RANBP17: variants seen among roughly 807,000 people sequenced by gnomAD.
The protein encoded by RANBP17 is RAN binding protein 17.
A neutral mutation model predicts 141.2 loss-of-function variants in RANBP17; 158 were observed. That is an observed-to-expected ratio of 1.12 (90% CI 0.98 to 1.28). The LOEUF (loss-of-function observed/expected upper bound fraction) is 1.28, where lower values mean the gene tolerates loss of function less well. Among genes scored for constraint, RANBP17 ranks in the 50% most tolerant of loss-of-function variants. The pLI is 0.00. For synonymous variants in RANBP17, 430 were observed against 450.0 expected (o/e 0.96, Z 0.56); for missense variants, 1,438 against 1,290.7 (o/e 1.11, Z -1.75).
At chr5:171,096,723 T>C (rs917807089) in intron 14 of RANBP17, among the ~76,000 whole-genome samples, 1 of 152,130 alleles carries the variant, frequency 6.6e-6, no homozygotes, top group Non-Finnish European at 1.5e-5. Flanking sequence ...GAAATAATAA[T>C]GTAACCAGGA....
At chr5:171,000,792 G>T (rs1307084427) in intron 14 of RANBP17, among the ~76,000 whole-genome samples, 1 of 152,082 alleles carries the variant, frequency 6.6e-6, no homozygotes, top group Non-Finnish European at 1.5e-5. Flanking sequence ...ATTCTCAAGG[G>T]TGGGGAGAAT....
chr5:171,061,966 A>C (rs1388751658), intron 14 of RANBP17, among the ~76,000 whole-genome samples: 1 of 151,740 alleles, frequency 6.6e-6, no homozygotes, highest in African/African-American at 2.4e-5. Flanking sequence ...GTTTTATCAG[A>C]GACTAGGATT....
chr5:171,168,860 C>CTCTT (rs1268375866), intron 14 of RANBP17, among the ~76,000 whole-genome samples: 1 of 152,050 alleles, frequency 6.6e-6, no homozygotes, highest in Non-Finnish European at 1.5e-5. Flanking sequence ...CTCTCTCTCT[C>CTCTT]TCTTTCTTCC....
At chr5:171,188,948 GAAAT>G (rs1332892988) in intron 18 of RANBP17, among the ~76,000 whole-genome samples, 1 of 152,018 alleles carries the variant, frequency 6.6e-6, no homozygotes, top group Non-Finnish European at 1.5e-5. Flanking sequence ...ATGAGAAACT[GAAAT>G]AAACACATAT....
chr5:171,026,322 G>T (rs547295296), intron 14 of RANBP17, among the ~76,000 whole-genome samples: 1 of 152,142 alleles, frequency 6.6e-6, no homozygotes, highest in African/African-American at 2.4e-5. Context: ...CTCAGAGAAG[G>T]TATTTCACTT....
intron 25 of RANBP17, among the ~76,000 whole-genome samples, chr5:171,279,709 AT>A (rs979951809): frequency 4.0e-5 from 6 of 150,492 alleles, no homozygotes; most frequent in East Asian, 2.0e-4. Context: ...GCCAACACGG[AT>A]TTTTTTTTTC....
intron 25 of RANBP17, among the ~76,000 whole-genome samples, chr5:171,269,196 C>A (rs1046332188): frequency 6.6e-6 from 1 of 152,142 alleles, no homozygotes; most frequent in Middle Eastern, 3.2e-3. Context: ...TATCTGACAT[C>A]ATCTCCTTAG....
chr5:171,296,362 T>C (rs1482160321), intron 27 of RANBP17, among the ~76,000 whole-genome samples: 2 of 152,150 alleles, frequency 1.3e-5, no homozygotes, highest in African/African-American at 4.8e-5. Flanking sequence ...TTCTTGGCAT[T>C]TGAACAAACA....
intron 6 of RANBP17, 84 bp downstream of exon 6, chr5:170,909,849 C>T (rs1771391634): frequency 1.3e-5 from 10 of 774,812 alleles, no homozygotes. Context: ...TGAATTTTCC[C>T]CCCAGTTTTG....
At chr5:171,279,425 T>C (rs1371741915) in intron 25 of RANBP17, among the ~76,000 whole-genome samples, 1 of 152,114 alleles carries the variant, frequency 6.6e-6, no homozygotes, top group Non-Finnish European at 1.5e-5. Context: ...TGTCATCTAA[T>C]GGAGGTGGGT....
rs547224043 is a variant in RANBP17, at chr5:171,299,298, A to T, written c.*440A>T. The stretch of plus-strand genomic sequence containing the variant: ...GAACCTGTTAAATGAGTAGTTTGTT[A>T]TGTGTCTGGAAGAAGCAGCGTTAGG... On this transcript the variant is annotated 3_prime_UTR_variant, in exon 28 of 28. Transcript: ENST00000523189. 1.8e-4 allele frequency: 42 copies of T among 237,266 alleles called. No individual in the cohort carries two copies. In the South Asian group the frequency reaches 6.5e-3, roughly 37 times the overall value. The allele number at this position is 237,266 out of a possible 1,614,324, so 14.7% of individuals were successfully genotyped here.
At chr5:171,025,876 C>T (rs1228666510) in intron 14 of RANBP17, among the ~76,000 whole-genome samples, 1 of 152,166 alleles carries the variant, frequency 6.6e-6, no homozygotes, top group African/African-American at 2.4e-5. Flanking sequence ...ACATGAGCCA[C>T]TGTGCCCAGC....
intron 5 of RANBP17, among the ~76,000 whole-genome samples, chr5:170,905,056 T>G (rs1485081971): frequency 1.3e-5 from 2 of 152,198 alleles, no homozygotes; most frequent in African/African-American, 4.8e-5. Flanking sequence ...ATCAAACCAA[T>G]TGATTTTATA....
intron 18 of RANBP17, among the ~76,000 whole-genome samples, chr5:171,190,989 G>T (rs1353754025): frequency 6.6e-6 from 1 of 152,168 alleles, no homozygotes; most frequent in Non-Finnish European, 1.5e-5. Flanking sequence ...CATTCCTCGG[G>T]TATTTAAACT....
At chr5:170,885,778 T>TA (rs1357356541) in intron 3 of RANBP17, among the ~76,000 whole-genome samples, 4 of 152,140 alleles carry the variant, frequency 2.6e-5, no homozygotes, top group African/African-American at 4.8e-5. Flanking sequence ...ATTTGATTTT[T>TA]AAAAAATGTT....
intron 24 of RANBP17, among the ~76,000 whole-genome samples, chr5:171,254,815 T>A (rs1166379431): frequency 2.6e-5 from 4 of 152,188 alleles, no homozygotes; most frequent in Non-Finnish European, 5.9e-5. Context: ...AGTAAATTTT[T>A]AAAAAAATCT....
chr5:171,010,517 C>T (rs1779962620), intron 14 of RANBP17, among the ~76,000 whole-genome samples: 1 of 151,856 alleles, frequency 6.6e-6, no homozygotes, highest in African/African-American at 2.4e-5. Context: ...AAGTGCCCAG[C>T]CAGAAATTAA....
chr5:171,072,845 G>T (rs1200537297), intron 14 of RANBP17, among the ~76,000 whole-genome samples: 1 of 152,154 alleles, frequency 6.6e-6, no homozygotes, highest in African/African-American at 2.4e-5. Context: ...CAACCAAGAT[G>T]TCTTTCAGTA....
At chr5:171,004,892 T>C (rs1278989288) in intron 14 of RANBP17, among the ~76,000 whole-genome samples, 1 of 152,180 alleles carries the variant, frequency 6.6e-6, no homozygotes, top group Non-Finnish European at 1.5e-5. Flanking sequence ...CCCTGCGAGC[T>C]GTGGCTTGGA....
Sources: allele counts gnomAD v4.1 joint callset (sites outside exome capture counted in the v4.1 genomes callset), GRCh38; gene constraint gnomAD v4.1.1; transcripts MANE v1.5; gene names NCBI Gene and HGNC (gene_info 2026-07-23, HGNC 2026-07-21).